The following PTGR1 variants were observed in gnomAD, a reference collection of about 807,000 sequenced individuals.
The protein encoded by PTGR1 is 15-oxoprostaglandin 13-reductase.
PTGR1 carries 23 observed loss-of-function variants against 37.7 expected under a neutral mutation model. That is an observed-to-expected ratio of 0.61 (90% CI 0.44 to 0.86). The LOEUF is 0.86. PTGR1 is among the 40% of genes least tolerant of loss of function. The pLI, the probability that PTGR1 is intolerant of heterozygous loss-of-function variation, is 0.00. For synonymous variants in PTGR1, 134 were observed against 140.0 expected, an observed-to-expected ratio of 0.96 and a Z score of 0.30; for missense variants, 351 against 394.3, an observed-to-expected ratio of 0.89 and a Z score of 0.93.
intron 3 of PTGR1, 92 bp downstream of exon 3, chr9:111,594,130 G>A (rs1829705547): frequency 1.6e-6 from 2 of 1,281,578 alleles, no homozygotes; most frequent in Admixed American, 3.5e-5. Context: ...AAGTGACAAT[G>A]TTTTAAGTCA....
chr9:111,564,796 G>A lies in PTGR1; in HGVS notation c.880-1565C>T, dbSNP rs558710860. ...GTCCTAATCACCAGTGCCTGACAAT[G>A]GGACTATATTTGGAGATAGGGCTTT... On this transcript the variant is annotated intron_variant, in intron 9 of 9. Transcript: ENST00000407693. Among the ~76,000 whole-genome samples, 3 of 152,128 alleles carry A rather than the reference G, an allele frequency of 2.0e-5. No homozygotes were observed. The South Asian group carries it at 6.2e-4, about 32-fold the overall frequency.
intron 7 of PTGR1, chr9:111,577,589 A>G (rs1829115126): frequency 6.6e-6 from 1 of 152,346 alleles, no homozygotes; most frequent in Admixed American, 6.5e-5. Context: ...TCACGCCTGT[A>G]ATCCTAGCAC....
intron 8 of PTGR1, chr9:111,574,515 AT>A: frequency 3.3e-6 from 1 of 302,698 alleles, no homozygotes; most frequent in South Asian, 4.8e-5. Context: ...CACCCAGCTT[AT>A]TTTTGTATTT....
chr9:111,579,201 T>C (rs754091216), intron 6 of PTGR1, among the ~76,000 whole-genome samples: 1 of 151,938 alleles, frequency 6.6e-6, no homozygotes, highest in Non-Finnish European at 1.5e-5. Flanking sequence ...TGGTTCATAG[T>C]TCCACCAGCT....
intron 3 of PTGR1, among the ~76,000 whole-genome samples, chr9:111,593,834 C>T (rs139836695): frequency 2.6e-5 from 4 of 152,182 alleles, no homozygotes; most frequent in East Asian, 1.9e-4. Context: ...CACAGGCCTG[C>T]GCCACCAGGC....
At chr9:111,569,211 C>A (rs117548172) in intron 9 of PTGR1, among the ~76,000 whole-genome samples, 2 of 152,096 alleles carry the variant, frequency 1.3e-5, no homozygotes, top group Non-Finnish European at 2.9e-5. Flanking sequence ...TGAGCCCAGA[C>A]GAGCTAACTA....
At chr9:111,579,864 T>C (rs774121905) in intron 6 of PTGR1, among the ~76,000 whole-genome samples, 8 of 152,226 alleles carry the variant, frequency 5.3e-5, no homozygotes, top group Non-Finnish European at 1.2e-4. Flanking sequence ...CTACAGATTA[T>C]AGTGGTTCAT....
At chr9:111,582,286 A>T (rs1407095931) in intron 6 of PTGR1, among the ~76,000 whole-genome samples, 2 of 152,220 alleles carry the variant, frequency 1.3e-5, no homozygotes, top group Non-Finnish European at 2.9e-5. Context: ...AGAAAGGTTG[A>T]ATATAAAAGA....
intron 9 of PTGR1, among the ~76,000 whole-genome samples, chr9:111,550,905 TGA>T: frequency 6.6e-6 from 1 of 152,364 alleles, no homozygotes; most frequent in East Asian, 1.9e-4. Context: ...CTGTTTCCTT[TGA>T]GTTGTTTTCA....
intron 9 of PTGR1, among the ~76,000 whole-genome samples, chr9:111,552,369 G>A (rs887478250): frequency 3.3e-5 from 5 of 151,904 alleles, no homozygotes; most frequent in East Asian, 1.9e-4. Context: ...ACATGTATCC[G>A]TGACTCGTTT....
intron 9 of PTGR1, among the ~76,000 whole-genome samples, chr9:111,568,350 C>T (rs995081915): frequency 5.3e-5 from 8 of 152,116 alleles, no homozygotes; most frequent in Admixed American, 2.0e-4. Context: ...CACTGAAATA[C>T]GCCCTGATCT....
chr9:111,577,671 C>T (rs1829118739), intron 7 of PTGR1: 1 of 152,042 alleles, frequency 6.6e-6, no homozygotes, highest in African/African-American at 2.4e-5. Context: ...ATGGCGAAAC[C>T]CCATCTCTAC....
intron 9 of PTGR1, among the ~76,000 whole-genome samples, chr9:111,568,467 T>G (rs1377518305): frequency 6.6e-6 from 1 of 152,198 alleles, no homozygotes; most frequent in Non-Finnish European, 1.5e-5. Flanking sequence ...TTGTTGAAGA[T>G]GTTTATCAAG....
chr9:111,597,525 C>T, intron 1 of PTGR1, 93 bp from the exon 2 acceptor site: 1 of 699,936 alleles, frequency 1.4e-6, no homozygotes, highest in South Asian at 1.8e-5. Flanking sequence ...AGCACAATTA[C>T]AATATCCTCA....
intron 4 of PTGR1, 59 bp from the exon 5 acceptor site, chr9:111,586,224 AGTC>A: frequency 6.5e-7 from 1 of 1,547,796 alleles, no homozygotes; most frequent in Non-Finnish European, 8.9e-7. Context: ...CTTTCAAGGG[AGTC>A]AGGATGCTGT....
intron 6 of PTGR1, 71 bp downstream of exon 6, chr9:111,583,401 A>G: frequency 1.5e-6 from 2 of 1,292,004 alleles, no homozygotes; most frequent in Non-Finnish European, 1.1e-6. Flanking sequence ...GCCAAGGAAG[A>G]TTTGCTGTGT....
At chr9:111,559,100 C>A (rs1456980590), downstream of PTGR1, among the ~76,000 whole-genome samples, 1 of 152,124 alleles carries the variant, frequency 6.6e-6, no homozygotes, top group Non-Finnish European at 1.5e-5. Context: ...TAGAAGCTCC[C>A]CTCAGGCTCT....
intron 1 of PTGR1, among the ~76,000 whole-genome samples, chr9:111,598,022 T>TC (rs1829836344): frequency 6.6e-6 from 1 of 151,936 alleles, no homozygotes; most frequent in Admixed American, 6.6e-5. Flanking sequence ...TACTTTTTTT[T>TC]CTCTCTTTTC....
intron 6 of PTGR1, among the ~76,000 whole-genome samples, chr9:111,579,751 C>T (rs1192760501): frequency 6.6e-6 from 1 of 152,150 alleles, no homozygotes; most frequent in African/African-American, 2.4e-5. Context: ...AGCCACTGCA[C>T]CAGGCCCCCT....
Sources: gnomAD v4.1 joint callset for allele counts (sites outside exome capture counted in the v4.1 genomes callset) on GRCh38, gnomAD v4.1.1 for gene constraint, MANE v1.5 for transcripts, NCBI Gene and HGNC (gene_info 2026-07-23, HGNC 2026-07-21) for gene names.